The following GSE1 variants were observed in gnomAD, a reference collection of about 807,000 sequenced individuals.
GSE1 encodes the protein Gse1 coiled-coil protein, also known as genetic suppressor element 1.
Under a neutral mutation model 112.6 loss-of-function variants are expected in GSE1, and 32 were observed. The observed-to-expected ratio is 0.28, with a 90% confidence interval of 0.21 to 0.38. The LOEUF (loss-of-function observed/expected upper bound fraction) is 0.38, where lower values mean the gene tolerates loss of function less well. GSE1 is among the 10% of genes least tolerant of loss of function. The probability of loss-of-function intolerance (pLI) is 1.00; values close to 1 mark genes in which losing one functional copy is unlikely to be tolerated. For missense variants in GSE1, 2,348 were observed against 1,699.2 expected (o/e 1.38, Z -6.71); for synonymous variants, 1,115 against 735.6 (o/e 1.52, Z -8.35).
intron 2 of GSE1, among the ~76,000 whole-genome samples, chr16:85,383,093 C>T (rs542063673): frequency 6.6e-6 from 1 of 151,858 alleles, no homozygotes; most frequent in East Asian, 1.9e-4. Flanking sequence ...CCTTAGTGCA[C>T]AAGCATGCCT....
upstream of GSE1, chr16:85,555,441 C>G: frequency 1.0e-6 from 1 of 983,736 alleles, no homozygotes; most frequent in Non-Finnish European, 1.2e-6. Flanking sequence ...GAGCCGGCTC[C>G]CCAGCCTGCT....
chr16:85,325,760 ATT>A (rs11442480), intron 1 of GSE1, among the ~76,000 whole-genome samples: 1 of 135,240 alleles, frequency 7.4e-6, no homozygotes. Context: ...CCTTCAGTCA[ATT>A]TTTTTTTTTT....
intron 1 of GSE1, among the ~76,000 whole-genome samples, chr16:85,283,858 G>A (rs1245341601): frequency 6.6e-6 from 1 of 152,208 alleles, no homozygotes; most frequent in Non-Finnish European, 1.5e-5. Context: ...TGCACAGCTA[G>A]GAAATGCTGG....
chr16:85,400,496 G>A (rs2048077374), intron 2 of GSE1, among the ~76,000 whole-genome samples: 1 of 151,578 alleles, frequency 6.6e-6, no homozygotes, highest in Non-Finnish European at 1.5e-5. Flanking sequence ...TTGTGTGGGT[G>A]TGTTGTGTGT....
chr16:85,518,158 G>A (rs973358466), intron 2 of GSE1, among the ~76,000 whole-genome samples: 3 of 152,318 alleles, frequency 2.0e-5, no homozygotes, highest in African/African-American at 7.2e-5. Context: ...CGCCATCCCC[G>A]GCCACCCAGA....
chr16:85,519,746 GCA>G (rs2052115543), intron 2 of GSE1, among the ~76,000 whole-genome samples: 1 of 76,460 alleles, frequency 1.3e-5, no homozygotes, highest in African/African-American at 5.1e-5. Context: ...ACCACCATCA[GCA>G]TCACCATCAC....
intron 1 of GSE1, among the ~76,000 whole-genome samples, chr16:85,327,745 C>T (rs1170889968): frequency 2.6e-5 from 4 of 152,242 alleles, no homozygotes; most frequent in Non-Finnish European, 5.9e-5. Flanking sequence ...AGGGTCAAGA[C>T]TGCATGGATT....
chr16:85,460,838 G>C (rs954414108), intron 2 of GSE1, among the ~76,000 whole-genome samples: 2 of 152,152 alleles, frequency 1.3e-5, no homozygotes, highest in African/African-American at 4.8e-5. Context: ...GGTGGGGAGA[G>C]TCTGCCAGAG....
chr16:85,666,151 G>C lies in GSE1; in HGVS notation c.2934G>C (p.Glu978Asp). The change falls in exon 13 of 16, where the codon GAG (glutamate) becomes GAC (aspartate). Residue 978 changes from glutamate (E) to aspartate (D), a missense_variant. Physicochemically the swap from Glu to Asp is conservative, Grantham distance 45. Transcript: ENST00000253458. ...GCGGGGAGAAGGCCAGGCTGAGCGA[G>C]GCCCCTGGAGGCAAAAAGAGTCTGA... ...PASGEKARLS[E>D]APGGKKSLSM... 1 of 1,613,386 alleles carries C rather than the reference G, an allele frequency of 6.2e-7. No individual in the cohort carries two copies. Among genetic ancestry groups the C allele is most frequent in the Non-Finnish European group, 8.5e-7 (1 of 1,180,014 alleles).
At chr16:85,222,154 C>T (rs2075405245) in intron 1 of GSE1, among the ~76,000 whole-genome samples, 3 of 152,200 alleles carry the variant, frequency 2.0e-5, no homozygotes, top group South Asian at 2.1e-4. Context: ...TGCCCCTCCC[C>T]GCTCCCTGTG....
chr16:85,617,680 C>T (rs2048466403), intron 1 of GSE1, among the ~76,000 whole-genome samples: 2 of 148,554 alleles, frequency 1.3e-5, no homozygotes, highest in African/African-American at 5.0e-5. Flanking sequence ...TTCCTAGTCA[C>T]CTAGGGGCCA....
At chr16:85,358,062 C>T (rs547101187) in intron 2 of GSE1, among the ~76,000 whole-genome samples, 3 of 152,220 alleles carry the variant, frequency 2.0e-5, no homozygotes, top group South Asian at 2.1e-4. Flanking sequence ...GGCTGGGCCA[C>T]GGGGAACCAG....
At chr16:85,450,117 CTTT>C (rs59854597) in intron 2 of GSE1, among the ~76,000 whole-genome samples, 6 of 79,506 alleles carry the variant, frequency 7.5e-5, no homozygotes, top group Non-Finnish European at 1.1e-4. Flanking sequence ...AGGCAGCTGA[CTTT>C]TTTTTTTTTT....
At chr16:85,508,085 G>A (rs1294904726) in intron 2 of GSE1, among the ~76,000 whole-genome samples, 1 of 152,106 alleles carries the variant, frequency 6.6e-6, no homozygotes, top group Non-Finnish European at 1.5e-5. Flanking sequence ...CTCAGGCTGG[G>A]GTGGAGTGAC....
intron 1 of GSE1, among the ~76,000 whole-genome samples, chr16:85,252,412 C>T (rs1906587502): frequency 6.6e-6 from 1 of 152,260 alleles, no homozygotes; most frequent in Non-Finnish European, 1.5e-5. Flanking sequence ...CATGAAATTA[C>T]TGTGGAAATC....
intron 2 of GSE1, among the ~76,000 whole-genome samples, chr16:85,424,037 C>T (rs748360498): frequency 6.6e-6 from 1 of 152,268 alleles, no homozygotes; most frequent in Non-Finnish European, 1.5e-5. Context: ...AGGCCAGAGC[C>T]TCCTCCATCC....
rs567291514 is a variant in GSE1 at position 85,280,276 on chromosome 16, C to T, written c.2284-77187C>T. ...TTGGCCAGGTGACCTTGAGTAAGGC[C>T]TCTACCAGTCCAGGGTGAGGCTTCT... On this transcript the variant is annotated intron_variant, in intron 1 of 2. Transcript: ENST00000637419. Among the ~76,000 whole-genome samples the T allele has an allele frequency of 4.6e-5, 7 of 152,298 alleles. No homozygotes were observed. The South Asian group carries it at 1.4e-3, about 32-fold the overall frequency.
At chr16:85,510,156 A>T (rs2051685678) in intron 2 of GSE1, among the ~76,000 whole-genome samples, 1 of 152,052 alleles carries the variant, frequency 6.6e-6, no homozygotes. Flanking sequence ...CGGCTCTCCC[A>T]TCATTAGGGG....
intron 1 of GSE1, among the ~76,000 whole-genome samples, chr16:85,318,611 G>A (rs971548380): frequency 5.3e-5 from 8 of 152,208 alleles, no homozygotes; most frequent in African/African-American, 1.7e-4. Context: ...CTAAATGAGT[G>A]ATTTGTGAGA....
Sources: allele counts gnomAD v4.1 joint callset (sites outside exome capture counted in the v4.1 genomes callset), GRCh38; gene constraint gnomAD v4.1.1; transcripts MANE v1.5; gene names NCBI Gene and HGNC (gene_info 2026-07-23, HGNC 2026-07-21).